Variants in KIAA1217 observed in about 807,000 individuals in gnomAD.
The protein encoded by KIAA1217 is sickle tail protein homolog.
KIAA1217 carries 88 observed loss-of-function variants against 163.9 expected under a neutral mutation model. The ratio of observed to expected loss-of-function variants is 0.54; its 90% CI spans 0.45 to 0.64. The LOEUF is 0.64. Among genes scored for constraint, KIAA1217 ranks in the 30% least tolerant of loss-of-function variants. The pLI, the probability that KIAA1217 is intolerant of heterozygous loss-of-function variation, is 0.00. For synonymous variants in KIAA1217, 903 were observed against 923.1 expected (o/e 0.98, Z 0.39); for missense variants, 2,372 against 2,475.0 (o/e 0.96, Z 0.88).
At chr10:24,168,228 A>G (rs2065450469) in intron 2 of KIAA1217, among the ~76,000 whole-genome samples, 1 of 152,200 alleles carries the variant, frequency 6.6e-6, no homozygotes, top group South Asian at 2.1e-4. Context: ...ATGACCATCA[A>G]TTAAGCGCCT....
intron 1 of KIAA1217, among the ~76,000 whole-genome samples, chr10:23,704,342 G>C (rs543513546): frequency 2.0e-4 from 30 of 150,024 alleles, no homozygotes; most frequent in Non-Finnish European, 4.3e-4. Flanking sequence ...AAAGAGTATA[G>C]TTGCATTTTT....
intron 9 of KIAA1217, among the ~76,000 whole-genome samples, chr10:24,505,200 C>A (rs1348400996): frequency 6.6e-6 from 1 of 150,944 alleles, no homozygotes; most frequent in Non-Finnish European, 1.5e-5. Context: ...TTACCAATGA[C>A]TTAAAGCCTT....
Position 24,089,571 on chromosome 10 carries a change from G to C in KIAA1217, c.-171+82197G>C, listed in dbSNP as rs1212611043. On this transcript the variant is annotated intron_variant, in intron 2 of 18. Transcript: ENST00000376462. ...ATAGGGAATCCTTTCCCCATTGCTT[G>C]TTTTTGTCAGGTTTGTCAAAGATCA... is the stretch of plus-strand genomic sequence containing the variant. Among the ~76,000 whole-genome samples, 2 of 151,458 alleles carry C rather than the reference G, an allele frequency of 1.3e-5. 1 individual carries two copies. Among genetic ancestry groups the C allele is most frequent in the African/African-American group, 4.9e-5 (2 of 41,024 alleles).
At chr10:23,992,733 T>A (rs957598766) in intron 1 of KIAA1217, among the ~76,000 whole-genome samples, 6 of 150,990 alleles carry the variant, frequency 4.0e-5, no homozygotes, top group Non-Finnish European at 8.8e-5. Flanking sequence ...ACTGTCAAAG[T>A]GGCATGCCTG....
chr10:23,772,819 A>G (rs1475378942), intron 1 of KIAA1217, among the ~76,000 whole-genome samples: 1 of 152,198 alleles, frequency 6.6e-6, no homozygotes, highest in African/African-American at 2.4e-5. Context: ...TCCCTGGCAT[A>G]CAAGCAGCTG....
At position 24,094,560 on chromosome 10, in the gene KIAA1217, G is replaced by A. The variant is rs2062072248; in HGVS notation, c.-171+87186G>A. On this transcript the variant is annotated intron_variant, in intron 2 of 18. Coordinates refer to the KIAA1217 transcript ENST00000376462. ...GCAGAACAGCGGATTTTCGTGAACC[G>A]CAAATGCTGCTGTCTGATTGTTCCT... Among the ~76,000 whole-genome samples, 3 of 152,308 alleles carry A rather than the reference G, an allele frequency of 2.0e-5. 1 individual carries two copies. The highest frequency in any genetic ancestry group is 4.1e-4 in the South Asian group (2 of 4,826).
intron 1 of KIAA1217, among the ~76,000 whole-genome samples, chr10:23,925,429 T>C (rs16924080): frequency 0.2 from 30,445 of 152,124 alleles, 3,314 homozygotes; most frequent in Middle Eastern, 0.27. Flanking sequence ...GGCCGATACA[T>C]ACTAAGTCCT....
intron 2 of KIAA1217, among the ~76,000 whole-genome samples, chr10:24,069,268 A>T (rs1242495054): frequency 6.6e-6 from 1 of 152,202 alleles, no homozygotes; most frequent in Non-Finnish European, 1.5e-5. Flanking sequence ...AATGTTCGAC[A>T]TGTGGTTCAA....
rs539179647 is a variant in KIAA1217, at chr10:24,514,943, GATTGCACCACTGCACTCCAGC to G, written c.2177+1510_2177+1530del. Reference sequence around the variant, plus strand: ...GGAGGGGAAGGTTGTGGTGAGCCGAGATTGCACCACTGCACTCCAGCCTGGGCAACAGAGCACAACTCCGTC... The same window carrying G: ...GGAGGGGAAGGTTGTGGTGAGCCGAGCTGGGCAACAGAGCACAACTCCGTC... On this transcript the variant is annotated intron_variant, in intron 10 of 20. Transcript: ENST00000376454. Among the ~76,000 whole-genome samples the G allele has an allele frequency of 2.0e-5, 3 of 151,972 alleles. No homozygotes were observed. The South Asian group carries it at 6.2e-4, about 32-fold the overall frequency.
chr10:23,814,379 A>G (rs1002124338), intron 1 of KIAA1217, among the ~76,000 whole-genome samples: 7 of 152,110 alleles, frequency 4.6e-5, no homozygotes, highest in African/African-American at 1.7e-4. Flanking sequence ...AGGTGTTCCT[A>G]TTTCCTGGCT....
chr10:24,334,565 A>G (rs1368607456), intron 2 of KIAA1217, among the ~76,000 whole-genome samples: 1 of 152,152 alleles, frequency 6.6e-6, no homozygotes, highest in Admixed American at 6.5e-5. Context: ...AAGTCCTTAT[A>G]ATAAGGACTT....
chr10:24,064,430 T>C (rs886898631), intron 2 of KIAA1217, among the ~76,000 whole-genome samples: 3 of 152,242 alleles, frequency 2.0e-5, no homozygotes, highest in African/African-American at 7.2e-5. Context: ...TCTGTTTATA[T>C]GCTGGATTAC....
intron 5 of KIAA1217, among the ~76,000 whole-genome samples, chr10:24,443,865 C>G (rs1242062495): frequency 6.6e-6 from 1 of 151,578 alleles, no homozygotes; most frequent in Non-Finnish European, 1.5e-5. Flanking sequence ...TGCAGCAAAC[C>G]AAGAAAACAA....
chr10:24,057,621 G>T (rs2060574460), intron 2 of KIAA1217, among the ~76,000 whole-genome samples: 1 of 152,190 alleles, frequency 6.6e-6, no homozygotes, highest in Non-Finnish European at 1.5e-5. Flanking sequence ...TTGTGGTTTT[G>T]ATTGGAATGT....
At chr10:23,840,823 T>A (rs1838740781) in intron 1 of KIAA1217, among the ~76,000 whole-genome samples, 1 of 152,218 alleles carries the variant, frequency 6.6e-6, no homozygotes, top group South Asian at 2.1e-4. Context: ...TCGACAGAAC[T>A]GATAATGATC....
intron 1 of KIAA1217, among the ~76,000 whole-genome samples, chr10:23,817,380 C>T (rs1317663045): frequency 1.3e-5 from 2 of 152,180 alleles, no homozygotes; most frequent in African/African-American, 2.4e-5. Context: ...AGTTTAAAGT[C>T]TTCACTTGCA....
At chr10:23,708,161 C>T (rs1837010089) in intron 1 of KIAA1217, among the ~76,000 whole-genome samples, 4 of 152,114 alleles carry the variant, frequency 2.6e-5, no homozygotes, top group African/African-American at 9.7e-5. Context: ...GGGGCTTCCC[C>T]TATAAAATCA....
intron 2 of KIAA1217, among the ~76,000 whole-genome samples, chr10:24,193,229 C>T (rs564508045): frequency 6.6e-6 from 1 of 152,288 alleles, no homozygotes; most frequent in South Asian, 2.1e-4. Context: ...CTAACCTAAG[C>T]TTACATTATT....
At chr10:24,368,018 G>C (rs927499600) in intron 2 of KIAA1217, among the ~76,000 whole-genome samples, 1 of 152,148 alleles carries the variant, frequency 6.6e-6, no homozygotes, top group Non-Finnish European at 1.5e-5. Context: ...CAGTCTCATT[G>C]ATCTCTTTTT....
Sources: allele counts gnomAD v4.1 joint callset (sites outside exome capture counted in the v4.1 genomes callset), GRCh38; gene constraint gnomAD v4.1.1; transcripts MANE v1.5; gene names NCBI Gene and HGNC (gene_info 2026-07-23, HGNC 2026-07-21).